ADORA2B: variants seen among roughly 807,000 people sequenced by gnomAD.
ADORA2B encodes adenosine A2b receptor.
ADORA2B carries 18 observed loss-of-function variants against 20.8 expected under a neutral mutation model. The observed-to-expected ratio is 0.87, with a 90% CI of 0.60 to 1.29. The LOEUF (loss-of-function observed/expected upper bound fraction) is 1.29, where lower values mean the gene tolerates loss of function less well. Ranked by LOEUF, ADORA2B falls within the 50% of genes most tolerant of loss-of-function variation. The probability of loss-of-function intolerance (pLI) is 0.00; values close to 1 mark genes in which losing one functional copy is unlikely to be tolerated. For missense variants in ADORA2B, 441 were observed against 422.7 expected (o/e 1.04, Z -0.38); for synonymous variants, 179 against 178.3 (o/e 1.00, Z -0.03).
At chr17:15,860,019 C>G in the ADORA2B span, among the ~76,000 whole-genome samples, 1 of 152,274 alleles carries the variant, frequency 6.6e-6, no homozygotes, top group Non-Finnish European at 1.5e-5. Context: ...GTTAAAAGAT[C>G]GACCCCTGAC....
chr17:15,926,381 A>G, the ADORA2B span, among the ~76,000 whole-genome samples: 1 of 152,052 alleles, frequency 6.6e-6, no homozygotes, highest in Non-Finnish European at 1.5e-5. Flanking sequence ...AGAGCCAGAG[A>G]GAGGGGTGCT....
At chr17:15,939,584 G>C in the ADORA2B span, among the ~76,000 whole-genome samples, 3 of 152,182 alleles carry the variant, frequency 2.0e-5, no homozygotes, top group Non-Finnish European at 4.4e-5. Context: ...ACATGGCCAG[G>C]TGTGCTGGCT....
intron 1 of ADORA2B, among the ~76,000 whole-genome samples, chr17:15,960,664 G>A (rs1044753852): frequency 1.3e-5 from 2 of 151,498 alleles, no homozygotes; most frequent in African/African-American, 4.9e-5. Context: ...GAGGTCAGGA[G>A]ATCGAGACCA....
chr17:15,971,612 A>G (rs1363327011), intron 1 of ADORA2B, among the ~76,000 whole-genome samples: 3 of 149,320 alleles, frequency 2.0e-5, no homozygotes, highest in Non-Finnish European at 3.0e-5. Context: ...TAAATGATGA[A>G]TGTATTTGTA....
In ADORA2B at chr17:15,975,327, C is replaced by G. The variant is rs754401984; in HGVS notation, c.984C>G (p.Leu328=). The part of the protein sequence containing the change: ...GNGQAGVQPA[L]GVGL ...GTCAGGCTGGGGTACAGCCTGCTCT[C>G]GGTGTGGGCCTATGATCTAGGCTCT... The change falls in exon 2 of 2, where the codon CTC becomes CTG. Residue 328 remains leucine (L), a synonymous_variant. Coordinates refer to ENST00000304222, the MANE Select transcript of ADORA2B (RefSeq NM_000676.4). 3.7e-6 allele frequency: 6 copies of G among 1,611,382 alleles called. No homozygotes were observed. The African/African-American group carries it at 6.7e-5, about 18-fold the overall frequency.
chr17:15,975,154 G>A lies in ADORA2B; in HGVS notation c.811G>A (p.Ala271Thr). 1 of 1,614,190 alleles carries A rather than the reference G, an allele frequency of 6.2e-7. No individual in the cohort carries two copies. Among genetic ancestry groups the A allele is most frequent in the Non-Finnish European group, 8.5e-7 (1 of 1,180,038 alleles). ...PAQGKNKPKW[A>T]MNMAILLSHA... ...TCAGGGTAAAAATAAGCCCAAGTGG[G>A]CAATGAATATGGCCATTCTTCTGTC... The change falls in exon 2 of 2, where the codon GCA becomes ACA. Residue 271 changes from alanine (A) to threonine (T), a missense_variant. Coordinates refer to ENST00000304222, the MANE Select transcript of ADORA2B (RefSeq NM_000676.4).
At chr17:15,865,940 T>A in the ADORA2B span, among the ~76,000 whole-genome samples, 2 of 150,068 alleles carry the variant, frequency 1.3e-5, no homozygotes, top group African/African-American at 2.5e-5. Flanking sequence ...GGAGCTTTTT[T>A]TTACACAGTA....
At chr17:15,923,206 A>ATTT in the ADORA2B span, among the ~76,000 whole-genome samples, 367 of 113,464 alleles carry the variant, frequency 3.2e-3, 11 homozygotes, top group African/African-American at 0.011. Flanking sequence ...TCTTTTTTTA[A>ATTT]TTTTTTTTTT....
chr17:15,945,701 G>A (rs1597843380), intron 1 of ADORA2B, 118 bp downstream of exon 1: 4 of 1,010,322 alleles, frequency 4.0e-6, no homozygotes, highest in Non-Finnish European at 4.2e-6. Context: ...GGGGGCGCGC[G>A]GGGCGCTTGG....
At chr17:15,871,276 T>C in the ADORA2B span, among the ~76,000 whole-genome samples, 3 of 152,202 alleles carry the variant, frequency 2.0e-5, no homozygotes, top group Non-Finnish European at 4.4e-5. Flanking sequence ...CCCACTTTAA[T>C]GTACACAAAC....
the ADORA2B span, among the ~76,000 whole-genome samples, chr17:15,866,718 T>TGCCGCTGCCGCTGCCGCTGCCG: frequency 7.8e-6 from 1 of 127,398 alleles, no homozygotes; most frequent in African/African-American, 3.1e-5. Flanking sequence ...TGCCGCTGCC[T>TGCCGCTGCCGCTGCCGCTGCCG]CTGCCGCTGC....
At chr17:15,948,813 T>C (rs1342328187) in intron 1 of ADORA2B, among the ~76,000 whole-genome samples, 1 of 152,186 alleles carries the variant, frequency 6.6e-6, no homozygotes, top group Non-Finnish European at 1.5e-5. Flanking sequence ...GTGCCTCACG[T>C]ATCTGGTCTT....
Position 15,945,213 on chromosome 17 carries a change from T to G in ADORA2B, c.-36T>G. The G allele has an allele frequency of 1.2e-5, 17 of 1,376,292 alleles. No homozygotes were observed. The highest frequency in any genetic ancestry group is 1.6e-5 in the Non-Finnish European group (17 of 1,072,614). 85.3% of individuals were successfully genotyped at this position (1,376,292 alleles called of 1,614,324 possible). A position where few individuals can be genotyped will look rare whatever the true frequency, so the allele number is the denominator to read the frequency against. The stretch of plus-strand genomic sequence containing the variant: ...CGGCTGCCCCTCGCCCGGCGCGCCT[T>G]CGGTAGGGGGCGCCCGGGGCCCAGC... On this transcript the variant is annotated 5_prime_UTR_variant, in exon 1 of 2. Coordinates refer to ENST00000304222, the MANE Select transcript of ADORA2B (RefSeq NM_000676.4).
At chr17:15,891,387 C>T in the ADORA2B span, among the ~76,000 whole-genome samples, 7 of 152,250 alleles carry the variant, frequency 4.6e-5, no homozygotes, top group Admixed American at 3.3e-4. Flanking sequence ...GCTGAGATTT[C>T]ACATGAACCC....
the ADORA2B span, among the ~76,000 whole-genome samples, chr17:15,913,029 A>G: frequency 6.6e-6 from 1 of 152,212 alleles, no homozygotes; most frequent in Non-Finnish European, 1.5e-5. Context: ...AAGTGGTCGT[A>G]TTAAATGAGG....
the ADORA2B span, among the ~76,000 whole-genome samples, chr17:15,933,439 GTCTTTCCAGT>G: frequency 6.6e-6 from 1 of 152,116 alleles, no homozygotes; most frequent in Non-Finnish European, 1.5e-5. Flanking sequence ...ACTATGGACT[GTCTTTCCAGT>G]TATTTGGGTA....
At chr17:15,940,855 C>T (rs1473585467), upstream of ADORA2B, among the ~76,000 whole-genome samples, 1 of 152,218 alleles carries the variant, frequency 6.6e-6, no homozygotes, top group Non-Finnish European at 1.5e-5. Flanking sequence ...CCCTCTTCTG[C>T]ATTGAATGAG....
chr17:15,878,701 A>G, the ADORA2B span, among the ~76,000 whole-genome samples: 2 of 152,182 alleles, frequency 1.3e-5, no homozygotes, highest in Admixed American at 1.3e-4. Flanking sequence ...CAATATCTTT[A>G]AGATTTTTGT....
At chr17:15,968,830 G>A (rs543176431) in intron 1 of ADORA2B, among the ~76,000 whole-genome samples, 7 of 152,286 alleles carry the variant, frequency 4.6e-5, no homozygotes, top group Admixed American at 3.9e-4. Flanking sequence ...GCCCAGAGCT[G>A]CCCAAATAGC....
Sources: gnomAD v4.1 joint callset for allele counts (sites outside exome capture counted in the v4.1 genomes callset) on GRCh38, gnomAD v4.1.1 for gene constraint, MANE v1.5 for transcripts, NCBI Gene and HGNC (gene_info 2026-07-23, HGNC 2026-07-21) for gene names.